DEFB112: variants seen among roughly 807,000 people sequenced by gnomAD.
DEFB112 encodes beta-defensin 112.
In DEFB112, 2 loss-of-function variants were observed where a neutral mutation model predicts 1.1. That is an observed-to-expected ratio of 1.85 (90% CI 0.76 to 5.83). The LOEUF (loss-of-function observed/expected upper bound fraction) is 5.83, where lower values mean the gene tolerates loss of function less well. Ranked by LOEUF, DEFB112 falls within the 30% of genes most tolerant of loss-of-function variation. DEFB112 has a pLI of 0.05. For missense variants in DEFB112, 120 were observed against 94.4 expected (o/e 1.27, Z -1.12); for synonymous variants, 40 against 31.2 (o/e 1.28, Z -0.93).
At chr6:50,049,514 A>C (rs1178656778) in intron 1 of DEFB112, among the ~76,000 whole-genome samples, 1 of 152,096 alleles carries the variant, frequency 6.6e-6, no homozygotes, top group Admixed American at 6.5e-5. Flanking sequence ...GTGTTGAATA[A>C]ATACACATTT....
rs1283328956 is a variant in DEFB112, at chr6:50,042,859, G to A, written c.*716C>T. 6.6e-6 allele frequency among the ~76,000 whole-genome samples: 1 copy of A among 151,752 alleles called. No individual in the cohort carries two copies. Among genetic ancestry groups the A allele is most frequent in the Non-Finnish European group, 1.5e-5 (1 of 67,890 alleles). ...TTTTTAAAAACTTAAAATTTACTAA[G>A]ACACCAATAAGTAGCATGATAAGAA... On this transcript the variant is annotated 3_prime_UTR_variant, in exon 2 of 2. Transcript: ENST00000651554.
intron 1 of DEFB112, 135 bp from the exon 2 acceptor site, chr6:50,043,936 A>G (rs970899947): frequency 9.4e-6 from 7 of 746,746 alleles, no homozygotes; most frequent in Non-Finnish European, 1.5e-5. Context: ...TTTTTTGTCC[A>G]TATCAGAGAA....
In DEFB112 at chr6:50,042,201, T is replaced by A. The variant is rs1435989077; in HGVS notation, c.*1374A>T. Among the ~76,000 whole-genome samples, 2 of 151,688 alleles carry A rather than the reference T, an allele frequency of 1.3e-5. No individual in the cohort carries two copies. Among genetic ancestry groups the A allele is most frequent in the Non-Finnish European group, 2.9e-5 (2 of 67,890 alleles). ...GAGACCCCTGAAGTGGGGTTCAGAG[T>A]TTGGATCATAAACCAAAATCACAAG... On this transcript the variant is annotated 3_prime_UTR_variant, in exon 2 of 2. Transcript: ENST00000651554.
Position 50,043,737 on chromosome 6 carries a change from T to C in DEFB112, c.123A>G (p.Arg41=). The change falls in exon 2 of 2, where the codon CGA becomes CGG. Residue 41 remains arginine (R), a synonymous_variant. Transcript: ENST00000651554. Reference sequence around the variant, plus strand: ...CACTATCATCACATTGATTTTTACATCGACCTCCAATCGCTGTACATGACT... The same window carrying C: ...CACTATCATCACATTGATTTTTACACCGACCTCCAATCGCTGTACATGACT... The part of the protein sequence containing the change: ...RWKSCTAIGG[R]CKNQCDDSEF... The C allele has an allele frequency of 1.9e-6, 3 of 1,613,492 alleles. No homozygotes were observed. Among genetic ancestry groups the C allele is most frequent in the Non-Finnish European group, 2.5e-6 (3 of 1,179,560 alleles).
At chr6:50,046,966 C>A (rs1311372023) in intron 1 of DEFB112, among the ~76,000 whole-genome samples, 1 of 152,166 alleles carries the variant, frequency 6.6e-6, no homozygotes, top group Non-Finnish European at 1.5e-5. Context: ...GGGGCTGAGT[C>A]CACAGGTCCT....
At chr6:50,048,508 A>C in intron 1 of DEFB112, 1 of 1,559,456 alleles carries the variant, frequency 6.4e-7, no homozygotes, top group African/African-American at 1.4e-5. Flanking sequence ...TAAAATGTGC[A>C]AGACACAATT....
In DEFB112 at chr6:50,043,789, C is replaced by T. The variant is rs748248344; in HGVS notation, c.71G>A (p.Gly24Glu). 4.3e-6 allele frequency: 7 copies of T among 1,613,152 alleles called. No homozygotes were observed. Among genetic ancestry groups the T allele is most frequent in the Non-Finnish European group, 5.1e-6 (6 of 1,179,400 alleles). The change falls in exon 2 of 2, where the codon GGG becomes GAG. Residue 24 changes from glycine (G) to glutamate (E), a missense_variant. Physicochemically the swap from Gly to Glu is moderately conservative, Grantham distance 98. Transcript: ENST00000651554. ...CCACCTACTAAAGGTGATATGGTGC[C>T]CTTCACTTCTGGCTGAAAGAAGGCA... ...GVLIPPARSE[G>E]HHITFSRWKS...
chr6:50,048,516 A>G (rs776149763), intron 1 of DEFB112: 2 of 1,578,868 alleles, frequency 1.3e-6, no homozygotes, highest in Non-Finnish European at 1.7e-6. Flanking sequence ...GCAAGACACA[A>G]TTCTACTTAT....
At chr6:50,048,620 T>A (rs1446594907) in intron 1 of DEFB112, 1 of 1,613,412 alleles carries the variant, frequency 6.2e-7, no homozygotes, top group African/African-American at 1.3e-5. Flanking sequence ...TTTTTCAAGT[T>A]TCAGTCTACA....
chr6:50,047,444 G>A (rs1272329196), intron 1 of DEFB112, among the ~76,000 whole-genome samples: 1 of 152,174 alleles, frequency 6.6e-6, no homozygotes, highest in Non-Finnish European at 1.5e-5. Flanking sequence ...TGGGAGAGAG[G>A]TCCATGAGCA....
intron 1 of DEFB112, among the ~76,000 whole-genome samples, 137 bp downstream of exon 1, chr6:50,049,675 G>C (rs1384800896): frequency 1.3e-5 from 2 of 151,862 alleles, no homozygotes; most frequent in Non-Finnish European, 2.9e-5. Context: ...TTTTACCTGA[G>C]AACTGTGAAT....
In DEFB112 at chr6:50,043,645, T is replaced by C; in HGVS notation, c.215A>G (p.Asp72Gly). 3 of 1,613,568 alleles carry C rather than the reference T, an allele frequency of 1.9e-6. No homozygotes were observed. The highest frequency in any genetic ancestry group is 2.5e-6 in the Non-Finnish European group (3 of 1,179,626). ...HCCVTECDPT[D>G]PNNWIPKDSV... ...GTCCTTTGGGATCCAATTATTTGGG[T>C]CCGTAGGGTCACATTCTGTCACGCA... The change falls in exon 2 of 2, where the codon GAC (aspartate) becomes GGC (glycine). Residue 72 changes from aspartate to glycine, a missense_variant. Physicochemically the swap from Asp to Gly is moderately conservative, Grantham distance 94 (BLOSUM62 -1). Transcript: ENST00000651554.
At chr6:50,048,318 A>T (rs1246473592) in intron 1 of DEFB112, among the ~76,000 whole-genome samples, 2 of 152,214 alleles carry the variant, frequency 1.3e-5, no homozygotes, top group African/African-American at 4.8e-5. Context: ...TTGTCTAGCC[A>T]GCATTTTATC....
Position 50,043,555 on chromosome 6 carries a change from C to T in DEFB112, c.*20G>A, listed in dbSNP as rs777899393. The T allele has an allele frequency of 2.4e-5, 38 of 1,593,958 alleles. No individual in the cohort carries two copies. The highest frequency in any genetic ancestry group is 3.2e-5 in the Non-Finnish European group (37 of 1,163,558). ...AGAGGACTTCATTCAGATGTATCAT[C>T]TTCTTGTGCATGGATTTCTTCAATG... On this transcript the variant is annotated 3_prime_UTR_variant, in exon 2 of 2. Coordinates refer to ENST00000651554, the MANE Select transcript of DEFB112 (RefSeq NM_001369057.2).
At chr6:50,044,709 A>C (rs1774804910) in intron 1 of DEFB112, among the ~76,000 whole-genome samples, 1 of 152,030 alleles carries the variant, frequency 6.6e-6, no homozygotes, top group Admixed American at 6.6e-5. Flanking sequence ...AAGTTTAATA[A>C]AAATTCTGGA....
At chr6:50,048,687 A>T (rs761872417) in intron 1 of DEFB112, 10 of 1,483,400 alleles carry the variant, frequency 6.7e-6, no homozygotes, top group African/African-American at 1.4e-5. Flanking sequence ...CTCACTGTAA[A>T]GTGAAAAAAT....
chr6:50,049,145 A>G (rs1774887567), intron 1 of DEFB112, among the ~76,000 whole-genome samples: 1 of 152,104 alleles, frequency 6.6e-6, no homozygotes, highest in Admixed American at 6.5e-5. Context: ...TTTTGGTGAG[A>G]AATTATTAGC....
chr6:50,047,721 T>C (rs1338702629), intron 1 of DEFB112, among the ~76,000 whole-genome samples: 1 of 152,220 alleles, frequency 6.6e-6, no homozygotes, highest in African/African-American at 2.4e-5. Flanking sequence ...GTTGCTCAAT[T>C]GCCTTTTTGA....
chr6:50,048,605 T>G (rs770407491), intron 1 of DEFB112: 1 of 1,613,702 alleles, frequency 6.2e-7, no homozygotes, highest in Non-Finnish European at 8.5e-7. Context: ...TGTCTTTGAG[T>G]ACATTTTTTC....
Sources: gnomAD v4.1 joint callset for allele counts (sites outside exome capture counted in the v4.1 genomes callset) on GRCh38, gnomAD v4.1.1 for gene constraint, MANE v1.5 for transcripts, NCBI Gene and HGNC (gene_info 2026-07-23, HGNC 2026-07-21) for gene names.